The following DCDC2 variants were observed in gnomAD, a reference collection of about 807,000 sequenced individuals.
DCDC2 encodes doublecortin domain-containing protein 2.
In DCDC2, 40 loss-of-function variants were observed where a neutral mutation model predicts 50.2. The observed-to-expected ratio is 0.80, with a 90% CI of 0.62 to 1.04. The LOEUF (loss-of-function observed/expected upper bound fraction) is 1.04. DCDC2 is among the 50% of genes least tolerant of loss of function. The pLI is 0.00. For synonymous variants in DCDC2, 234 were observed against 210.6 expected (o/e 1.11, Z -0.96); for missense variants, 570 against 581.9 (o/e 0.98, Z 0.21).
intron 7 of DCDC2, among the ~76,000 whole-genome samples, chr6:24,272,770 T>C (rs1763264629): frequency 6.6e-6 from 1 of 152,190 alleles, no homozygotes. Context: ...TGGGTGGGAA[T>C]GTACATTAGT....
intron 5 of DCDC2, among the ~76,000 whole-genome samples, chr6:24,290,265 T>C (rs1763716909): frequency 1.3e-5 from 2 of 151,676 alleles, no homozygotes; most frequent in Non-Finnish European, 2.9e-5. Context: ...AGTGCTGGGA[T>C]TACAGGCGTG....
Position 24,225,626 on chromosome 6 carries a change from T to C in DCDC2, c.923-20524A>G, listed in dbSNP as rs371829744. 3.9e-5 allele frequency among the ~76,000 whole-genome samples: 6 copies of C among 152,296 alleles called. No individual in the cohort carries two copies. The East Asian group carries it at 9.6e-4, about 24-fold the overall frequency. ...GTTTTAACTCTTCACTTAAATGGTA[T>C]GAAATTTCTAATGTCAGCAAGCCTA... is the stretch of plus-strand genomic sequence containing the variant. On this transcript the variant is annotated intron_variant, in intron 7 of 9. Transcript: ENST00000378454.
intron 8 of DCDC2, among the ~76,000 whole-genome samples, chr6:24,200,847 G>A (rs1258182006): frequency 6.6e-6 from 1 of 151,448 alleles, no homozygotes; most frequent in Non-Finnish European, 1.5e-5. Context: ...AAAAAAACCA[G>A]GGGTTGCAAT....
At chr6:24,253,860 C>A (rs1762841435) in intron 7 of DCDC2, among the ~76,000 whole-genome samples, 1 of 152,138 alleles carries the variant, frequency 6.6e-6, no homozygotes, top group Admixed American at 6.6e-5. Context: ...TTAGGCTACA[C>A]TAAATTTATT....
Position 24,357,720 on chromosome 6 carries a change from G to C in DCDC2, c.31C>G (p.Leu11Val). 6.2e-7 allele frequency: 1 copy of C among 1,612,932 alleles called. No homozygotes were observed. Among genetic ancestry groups the C allele is most frequent in the Non-Finnish European group, 8.5e-7 (1 of 1,179,704 alleles). ...ACGCTCTTCACGACGGGCTGAGACA[G>C]GTGGCTGGACCTGGCGCTGCTGCCG... MSGSSARSSH[L>V]SQPVVKSVLV... The change falls in exon 1 of 10, where the codon CTG becomes GTG. Residue 11 changes from leucine (L) to valine (V), a missense_variant. Coordinates refer to ENST00000378454, the MANE Select transcript of DCDC2 (RefSeq NM_016356.5).
intron 8 of DCDC2, among the ~76,000 whole-genome samples, chr6:24,180,479 G>A (rs146216265): frequency 0.016 from 2,496 of 152,034 alleles, 42 homozygotes; most frequent in Admixed American, 0.051. Flanking sequence ...TAGTGGAGAC[G>A]GGGTTTCACC....
upstream of DCDC2, among the ~76,000 whole-genome samples, chr6:24,358,875 TG>T (rs1429477220): frequency 6.5e-4 from 13 of 20,110 alleles, no homozygotes; most frequent in Admixed American, 9.9e-4. Context: ...ATAATATATA[TG>T]TATTATATAT....
intron 7 of DCDC2, among the ~76,000 whole-genome samples, chr6:24,260,845 T>C (rs1239819673): frequency 1.3e-5 from 2 of 152,256 alleles, no homozygotes; most frequent in Non-Finnish European, 2.9e-5. Flanking sequence ...TTCAAGTTTT[T>C]GTCCTGGGAG....
chr6:24,363,131 T>C, the DCDC2 span, among the ~76,000 whole-genome samples: 4 of 152,296 alleles, frequency 2.6e-5, no homozygotes, highest in Admixed American at 2.0e-4. Context: ...TTCCTAAGTA[T>C]ATGAAAGGCA....
chr6:24,281,923 G>A (rs1170637968), intron 6 of DCDC2, among the ~76,000 whole-genome samples: 3 of 152,044 alleles, frequency 2.0e-5, no homozygotes, highest in African/African-American at 4.8e-5. Context: ...CTTTCTAAGG[G>A]TCTGATTTTT....
At chr6:24,357,139 A>G in intron 1 of DCDC2, 1 of 233,526 alleles carries the variant, frequency 4.3e-6, no homozygotes, top group Middle Eastern at 1.4e-3. Context: ...GAAAGAAAAA[A>G]CTGAACAGAA....
At chr6:24,257,998 G>T (rs961331982) in intron 7 of DCDC2, among the ~76,000 whole-genome samples, 3 of 152,178 alleles carry the variant, frequency 2.0e-5, no homozygotes, top group African/African-American at 7.2e-5. Context: ...CTGGATTAAA[G>T]TGGTGTAAGA....
intron 7 of DCDC2, among the ~76,000 whole-genome samples, chr6:24,215,763 C>T (rs1761959662): frequency 6.6e-6 from 1 of 152,186 alleles, no homozygotes; most frequent in Admixed American, 6.5e-5. Flanking sequence ...CAGCACCACT[C>T]CCGGCTGAGG....
rs557456546 is a variant in DCDC2 at position 24,244,429 on chromosome 6, C to T, written c.922+33620G>A. On this transcript the variant is annotated intron_variant, in intron 7 of 9. Coordinates refer to ENST00000378454, the MANE Select transcript of DCDC2 (RefSeq NM_016356.5). ...AATTACCTGAGATGGGTAGAAATCA[C>T]CCTGACCTTTCAACCACAAGGGAAG... Among the ~76,000 whole-genome samples, 6 of 152,308 alleles carry T rather than the reference C, an allele frequency of 3.9e-5. No homozygotes were observed. In the South Asian group the frequency reaches 1.2e-3, roughly 32 times the overall value.
chr6:24,310,335 C>T lies in DCDC2; in HGVS notation c.349-8291G>A, dbSNP rs145939917. On this transcript the variant is annotated intron_variant, in intron 2 of 9. Transcript: ENST00000378454. ...TGTTAATCTGAAATAGTACAGCTCC[C>T]GGGTATTTTGGGTATATAATCTTCT... Among the ~76,000 whole-genome samples the T allele has an allele frequency of 7.2e-5, 11 of 152,184 alleles. 1 individual carries two copies. In the East Asian group the frequency reaches 1.4e-3, roughly 19 times the overall value.
chr6:24,273,813 T>C (rs1763292707), intron 7 of DCDC2, among the ~76,000 whole-genome samples: 1 of 152,198 alleles, frequency 6.6e-6, no homozygotes, highest in Non-Finnish European at 1.5e-5. Context: ...GTTGTAGCTA[T>C]TAAGAAATTC....
intron 2 of DCDC2, among the ~76,000 whole-genome samples, chr6:24,313,995 G>T (rs2185599): frequency 0.48 from 73,487 of 151,916 alleles, 20,415 homozygotes; most frequent in Non-Finnish European, 0.6. Flanking sequence ...CCCTAGAAGC[G>T]CAGCTCCTCA....
chr6:24,184,583 T>TA (rs35319391), intron 8 of DCDC2, among the ~76,000 whole-genome samples: 135,484 of 148,644 alleles, frequency 0.91, 61,791 homozygotes, highest in East Asian at 1. Flanking sequence ...AAAATAAAAA[T>TA]AAAAAAAAAA....
rs1355730413 is a variant in DCDC2 at position 24,353,591 on chromosome 6, G to A, written c.326C>T (p.Pro109Leu). 11 of 1,589,696 alleles carry A rather than the reference G, an allele frequency of 6.9e-6. No homozygotes were observed. The highest frequency in any genetic ancestry group is 1.4e-5 in the African/African-American group (1 of 73,660). Residue 109 changes from proline (P) to leucine (L), a missense_variant, in exon 2 of 10, where the codon CCA becomes CTA. Transcript: ENST00000378454. ...YLDIGEIKKRPMEVVNTEVKP... is the reference protein window; with the variant it reads ...YLDIGEIKKRLMEVVNTEVKP... Reference sequence around the variant, plus strand: ...TACCTCTGTATTAACAACTTCCATTGGTCTTTTCTTGATTTCTCCTATGTC... The same window carrying A: ...TACCTCTGTATTAACAACTTCCATTAGTCTTTTCTTGATTTCTCCTATGTC...
Sources: allele counts gnomAD v4.1 joint callset (sites outside exome capture counted in the v4.1 genomes callset), GRCh38; gene constraint gnomAD v4.1.1; transcripts MANE v1.5; gene names NCBI Gene and HGNC (gene_info 2026-07-23, HGNC 2026-07-21).